Variants in LUC7L3 observed in about 807,000 individuals in gnomAD.
LUC7L3 encodes LUC7 like 3 pre-mRNA splicing factor.
LUC7L3 carries 6 observed loss-of-function variants against 66.8 expected under a neutral mutation model. The ratio of observed to expected loss-of-function variants is 0.09; its 90% CI spans 0.05 to 0.18. The LOEUF is 0.18. LUC7L3 is among the 10% of genes least tolerant of loss of function. The probability of loss-of-function intolerance (pLI) is 1.00; values close to 1 mark genes in which losing one functional copy is unlikely to be tolerated. For synonymous variants in LUC7L3, 160 were observed against 174.7 expected (o/e 0.92, Z 0.66); for missense variants, 341 against 531.1 (o/e 0.64, Z 3.52).
Position 50,745,956 on chromosome 17 carries a change from G to A in LUC7L3, c.930G>A (p.Arg310=). The A allele has an allele frequency of 6.2e-7, 1 of 1,609,688 alleles. No homozygotes were observed. Among genetic ancestry groups the A allele is most frequent in the Non-Finnish European group, 8.5e-7 (1 of 1,178,940 alleles). The change falls in exon 8 of 10, where the codon AGG becomes AGA. Residue 310 remains arginine, a synonymous_variant. Transcript: ENST00000505658. The stretch of plus-strand genomic sequence containing the variant: ...GAACATCAGACAGAAGATGCAGCAG[G>A]TCTCGGGACCACAAAAGGTCACGAA... The part of the protein sequence containing the change: ...SSRTSDRRCS[R]SRDHKRSRSR...
At chr17:50,732,973 TGAGAGTCAG>T (rs1323122865) in intron 1 of LUC7L3, among the ~76,000 whole-genome samples, 1 of 152,168 alleles carries the variant, frequency 6.6e-6, no homozygotes, top group East Asian at 1.9e-4. Flanking sequence ...TTCACATGCT[TGAGAGTCAG>T]GAGGGACTGT....
intron 5 of LUC7L3, 141 bp from the exon 6 acceptor site, chr17:50,743,565 G>T: frequency 1.7e-6 from 1 of 601,924 alleles, no homozygotes. Context: ...AAAAATCCAG[G>T]ATAAATTAAA....
At chr17:50,750,112 G>A (rs1183691999) in intron 9 of LUC7L3, among the ~76,000 whole-genome samples, 3 of 151,962 alleles carry the variant, frequency 2.0e-5, no homozygotes, top group Non-Finnish European at 4.4e-5. Context: ...ACCTTTTGGG[G>A]TCTCCATTTT....
chr17:50,736,771 T>G, intron 1 of LUC7L3, 189 bp from the exon 2 acceptor site: 1 of 550,484 alleles, frequency 1.8e-6, no homozygotes, highest in East Asian at 3.1e-5. Context: ...GTACTGCAGA[T>G]TTATTCTTTT....
At chr17:50,738,192 C>G (rs756044398) in intron 2 of LUC7L3, 1 of 455,294 alleles carries the variant, frequency 2.2e-6, no homozygotes, top group Non-Finnish European at 4.4e-6. Flanking sequence ...GAGAAGTGAT[C>G]TCTGCAGGTA....
chr17:50,752,287 A>G lies in LUC7L3; in HGVS notation c.*1626A>G. 8 of 1,146,336 alleles carry G rather than the reference A, an allele frequency of 7.0e-6. No individual in the cohort carries two copies. Among genetic ancestry groups the G allele is most frequent in the Non-Finnish European group, 9.1e-6 (8 of 874,334 alleles). The allele number at this position is 1,146,336 out of a possible 1,614,324, so 71.0% of individuals were successfully genotyped here. On this transcript the variant is annotated 3_prime_UTR_variant, in exon 10 of 10. Transcript: ENST00000505658. ...AAAAAATGAGGTGAAAGAAAGCTAT[A>G]GTGGCATAGAAAAAGTATAAAGCTC... is the stretch of plus-strand genomic sequence containing the variant.
chr17:50,724,953 GT>G (rs1202978631), intron 1 of LUC7L3, among the ~76,000 whole-genome samples: 1 of 151,806 alleles, frequency 6.6e-6, no homozygotes, highest in Non-Finnish European at 1.5e-5. Flanking sequence ...TAGAGATGGG[GT>G]TTCACCATGT....
chr17:50,746,120 ATAGGATG>A, intron 8 of LUC7L3, 117 bp downstream of exon 8: 1 of 1,385,396 alleles, frequency 7.2e-7, no homozygotes, highest in Non-Finnish European at 9.4e-7. Context: ...TCTTTAAGTG[ATAGGATG>A]GGTTGCGAGA....
chr17:50,732,390 C>T (rs963361727), intron 1 of LUC7L3, among the ~76,000 whole-genome samples: 19 of 151,908 alleles, frequency 1.3e-4, no homozygotes, highest in East Asian at 7.7e-4. Flanking sequence ...AAATTTATTA[C>T]CTCCTTATTT....
chr17:50,748,301 G>C (rs1018807108), intron 9 of LUC7L3: 1 of 152,000 alleles, frequency 6.6e-6, no homozygotes, highest in Non-Finnish European at 1.5e-5. Context: ...TTGTAATGAT[G>C]ATGACATGAA....
At chr17:50,732,195 T>C (rs569639643) in intron 1 of LUC7L3, among the ~76,000 whole-genome samples, 139 of 152,322 alleles carry the variant, frequency 9.1e-4, no homozygotes, top group African/African-American at 3.1e-3. Context: ...TACATGTTCT[T>C]AACACAAGGA....
In LUC7L3 at chr17:50,739,647, C is replaced by T. The variant is rs563561255; in HGVS notation, c.167-659C>T. Among the ~76,000 whole-genome samples the T allele has an allele frequency of 3.7e-3, 374 of 99,836 alleles. 3 individuals are homozygous for T. Among genetic ancestry groups the T allele is most frequent in the African/African-American group, 0.016 (344 of 21,038 alleles). 65.5% of individuals were successfully genotyped at this position (99,836 alleles called of 152,430 possible). Reference sequence around the variant, plus strand: ...CCGGCCTGGGCGACAGAGCAAGACTCTATCTCAAAAAAAACAAAACAACAA... The same window carrying T: ...CCGGCCTGGGCGACAGAGCAAGACTTTATCTCAAAAAAAACAAAACAACAA... On this transcript the variant is annotated intron_variant, in intron 2 of 9. Coordinates refer to ENST00000505658, the MANE Select transcript of LUC7L3 (RefSeq NM_016424.5).
At position 50,743,198 on chromosome 17, in the gene LUC7L3, T is replaced by C. The variant is rs527445289; in HGVS notation, c.427-508T>C. ...TGGGCAACATAGTGAGACGCTGTCTTTCCTTTTTTTTAAAAAAAAAAACAG... is the reference window on the plus strand; with the variant it reads ...TGGGCAACATAGTGAGACGCTGTCTCTCCTTTTTTTTAAAAAAAAAAACAG... On this transcript the variant is annotated intron_variant, in intron 5 of 9. Coordinates refer to ENST00000505658, the MANE Select transcript of LUC7L3 (RefSeq NM_016424.5). 6.2e-4 allele frequency among the ~76,000 whole-genome samples: 19 copies of C among 30,716 alleles called. No homozygotes were observed. In the East Asian group the frequency reaches 0.024, roughly 39 times the overall value. 20.2% of individuals were successfully genotyped at this position (30,716 alleles called of 152,430 possible). A position where few individuals can be genotyped will look rare whatever the true frequency, so the allele number is the denominator to read the frequency against.
At chr17:50,743,238 A>G (rs2146759868) in intron 5 of LUC7L3, among the ~76,000 whole-genome samples, 1 of 151,592 alleles carries the variant, frequency 6.6e-6, no homozygotes. Flanking sequence ...TCACGTCATC[A>G]TCCAGGCTGG....
At chr17:50,740,714 A>G (rs1011710310) in intron 3 of LUC7L3, among the ~76,000 whole-genome samples, 1 of 152,156 alleles carries the variant, frequency 6.6e-6, no homozygotes, top group Non-Finnish European at 1.5e-5. Context: ...GCCCACCACC[A>G]TGCCTGACTA....
At chr17:50,730,679 G>A (rs1392441322) in intron 1 of LUC7L3, among the ~76,000 whole-genome samples, 6 of 152,112 alleles carry the variant, frequency 3.9e-5, no homozygotes, top group African/African-American at 1.2e-4. Flanking sequence ...TGTGGCTCAT[G>A]CCTGTAATCC....
At chr17:50,740,239 TTTTTTTTGGC>T (rs977105468) in intron 2 of LUC7L3, 57 bp from the exon 3 acceptor site, 3 of 1,235,244 alleles carry the variant, frequency 2.4e-6, no homozygotes, top group Non-Finnish European at 3.5e-6. Flanking sequence ...AAATAACTCT[TTTTTTTTGGC>T]AAGAAAAGGT....
intron 8 of LUC7L3, 33 bp from the exon 9 acceptor site, chr17:50,746,509 G>C (rs1428246469): frequency 6.2e-7 from 1 of 1,600,980 alleles, no homozygotes; most frequent in East Asian, 2.2e-5. Context: ...TGTAATACTG[G>C]CTGAAGTTGC....
At position 50,743,712 on chromosome 17, in the gene LUC7L3, G is replaced by A; in HGVS notation, c.433G>A (p.Glu145Lys). Residue 145 changes from glutamate (E) to lysine (K), a missense_variant, in exon 6 of 10, where the codon GAA (glutamate) becomes AAA (lysine). Glu to Lys is a moderately conservative substitution (Grantham distance 56, BLOSUM62 1). Coordinates refer to ENST00000505658, the MANE Select transcript of LUC7L3 (RefSeq NM_016424.5). Reference sequence around the variant, plus strand: ...TTTCCCCTACTCTTCTAAGATTGAAGAATTAGGGTCTGAAGGAAAAGTAGA... The same window carrying A: ...TTTCCCCTACTCTTCTAAGATTGAAAAATTAGGGTCTGAAGGAAAAGTAGA... ...KIDVLLQQIE[E>K]LGSEGKVEEA... 6.2e-7 allele frequency: 1 copy of A among 1,601,870 alleles called. No homozygotes were observed. The highest frequency in any genetic ancestry group is 8.5e-7 in the Non-Finnish European group (1 of 1,169,906).
Sources: allele counts gnomAD v4.1 joint callset (sites outside exome capture counted in the v4.1 genomes callset), GRCh38; gene constraint gnomAD v4.1.1; transcripts MANE v1.5; gene names NCBI Gene and HGNC (gene_info 2026-07-23, HGNC 2026-07-21).